Variants in INSRR observed in about 807,000 individuals in gnomAD.
The protein encoded by INSRR is insulin receptor related receptor.
Under a neutral mutation model 130.0 loss-of-function variants are expected in INSRR, and 114 were observed. That is an observed-to-expected ratio of 0.88 (90% CI 0.75 to 1.02). The LOEUF (loss-of-function observed/expected upper bound fraction) is 1.02, where lower values mean the gene tolerates loss of function less well. INSRR is among the 50% of genes least tolerant of loss of function. The pLI is 0.00. For missense variants in INSRR, 1,657 were observed against 1,735.2 expected, an observed-to-expected ratio of 0.95 and a Z score of 0.80; for synonymous variants, 674 against 705.2, an observed-to-expected ratio of 0.96 and a Z score of 0.70.
Position 156,841,750 on chromosome 1 carries a change from T to G in INSRR, c.3442A>C (p.Lys1148Gln). The part of the protein sequence containing the change: ...RDVYETDYYR[K>Q]GGKGLLPVRW... ...ACGGGCAGCAGCCCCTTCCCACCCT[T>G]GCGGTAATAGTCTGTCTCATACACG... Residue 1148 changes from lysine to glutamine, a missense_variant, in exon 20 of 22, where the codon AAG (lysine) becomes CAG (glutamine). By Grantham distance (53) the Lys-to-Gln change is moderately conservative. Coordinates refer to ENST00000368195, the MANE Select transcript of INSRR (RefSeq NM_014215.3). The G allele has an allele frequency of 6.2e-7, 1 of 1,614,044 alleles. No homozygotes were observed.
Position 156,858,567 on chromosome 1 carries a change from A to T in INSRR, c.55T>A (p.Ser19Thr), listed in dbSNP as rs1251629766. Residue 19 changes from serine to threonine, a missense_variant, in exon 1 of 22, where the codon TCC becomes ACC. Transcript: ENST00000368195. ...ACTGTATCCAGGCCAAATCCCAAGG[A>T]GAGGAAGATCACAGGCAGGCATGCT... ...WGACLPVIFL[S>T]LGFGLDTVEV... 1.2e-6 allele frequency: 2 copies of T among 1,613,904 alleles called. No individual in the cohort carries two copies. Among genetic ancestry groups the T allele is most frequent in the Admixed American group, 1.7e-5 (1 of 60,008 alleles).
intron 5 of INSRR, among the ~76,000 whole-genome samples, chr1:156,850,973 T>C (rs1461663934): frequency 3.9e-5 from 6 of 152,252 alleles, no homozygotes; most frequent in Non-Finnish European, 7.3e-5. Context: ...GACCAGATGA[T>C]GACAATTATA....
In INSRR at chr1:156,845,829, G is replaced by A; in HGVS notation, c.1979-15C>T. 1 of 1,610,796 alleles carries A rather than the reference G, an allele frequency of 6.2e-7. No homozygotes were observed. Among genetic ancestry groups the A allele is most frequent in the Non-Finnish European group, 8.5e-7 (1 of 1,179,254 alleles). ...CAGCCGCAAGCCTGGCGCCGCAGCGGGAAGACACTAGTAAGACAGGCGGTC... is the reference window on the plus strand; with the variant it reads ...CAGCCGCAAGCCTGGCGCCGCAGCGAGAAGACACTAGTAAGACAGGCGGTC... On this transcript the variant is annotated splice_polypyrimidine_tract_variant and intron_variant, in intron 9 of 21. Coordinates refer to ENST00000368195, the MANE Select transcript of INSRR (RefSeq NM_014215.3).
chr1:156,844,301 G>C, intron 14 of INSRR, 21 bp from the exon 15 acceptor site: 1 of 1,598,282 alleles, frequency 6.3e-7, no homozygotes, highest in South Asian at 1.1e-5. Flanking sequence ...GAGGGCAGCA[G>C]AGGGTAGAGT....
Position 156,845,188 on chromosome 1 carries a change from G to T in INSRR, c.2325C>A (p.Ser775Arg). 1.1e-5 allele frequency: 17 copies of T among 1,609,332 alleles called. No individual in the cohort carries two copies. The highest frequency in any genetic ancestry group is 1.4e-5 in the Non-Finnish European group (17 of 1,178,168). ...GGTATTCCGTGAAGTGGCGCAGGCCGCTCAGCACCGCTCGCTCACGGGGCA... is the reference window on the plus strand; with the variant it reads ...GGTATTCCGTGAAGTGGCGCAGGCCTCTCAGCACCGCTCGCTCACGGGGCA... ...DKVPRERAVL[S>R]GLRHFTEYRI... The change falls in exon 12 of 22, where the codon AGC becomes AGA. Residue 775 changes from serine (S) to arginine (R), a missense_variant. Transcript: ENST00000368195.
Position 156,842,420 on chromosome 1 carries a change from C to T in INSRR, c.3215G>A (p.Arg1072Gln), listed in dbSNP as rs747555254. Reference protein sequence around the residue: ...MTRGDLKSHLRSLRPEAENNP... With the variant: ...MTRGDLKSHLQSLRPEAENNP... The stretch of plus-strand genomic sequence containing the variant: ...TACCTCTGCCTCAGGCCGCAAAGAT[C>T]GAAGATGGCTCTTGAGGTCCCCACG... Residue 1072 changes from arginine to glutamine, a missense_variant, in exon 18 of 22, where the codon CGA becomes CAA. By Grantham distance (43) the Arg-to-Gln change is conservative. Coordinates refer to ENST00000368195, the MANE Select transcript of INSRR (RefSeq NM_014215.3). 35 of 1,613,942 alleles carry T rather than the reference C, an allele frequency of 2.2e-5. No individual in the cohort carries two copies. The highest frequency in any genetic ancestry group is 4.4e-5 in the South Asian group (4 of 91,072).
At position 156,854,298 on chromosome 1, in the gene INSRR, G is replaced by A; in HGVS notation, c.91C>T (p.Pro31Ser). The stretch of plus-strand genomic sequence containing the variant: ...ACCTCTGAGCGAATATCCAGGCTGG[G>A]GCACACTGTGGGCATACACGGCACG... ...GFGLDTVEVCPSLDIRSEVAE... is the reference protein window; with the variant it reads ...GFGLDTVEVCSSLDIRSEVAE... Residue 31 changes from proline to serine, a missense_variant, in exon 2 of 22, where the codon CCC (proline) becomes TCC (serine). Transcript: ENST00000368195. The surrounding 1 kb of genome is among the most constrained non-coding windows in gnomAD (Gnocchi z 4.2). 1 of 1,608,840 alleles carries A rather than the reference G, an allele frequency of 6.2e-7. No homozygotes were observed. Among genetic ancestry groups the A allele is most frequent in the Non-Finnish European group, 8.5e-7 (1 of 1,177,864 alleles).
chr1:156,842,382 T>C lies in INSRR; in HGVS notation c.3237+16A>G, dbSNP rs749884463. The C allele has an allele frequency of 6.2e-7, 1 of 1,612,708 alleles. No individual in the cohort carries two copies. The highest frequency in any genetic ancestry group is 8.5e-7 in the Non-Finnish European group (1 of 1,178,890). On this transcript the variant is annotated intron_variant, in intron 18 of 21. Coordinates refer to ENST00000368195, the MANE Select transcript of INSRR (RefSeq NM_014215.3). ...CCAACCCTTCTTTCACTCCCCAGGG[T>C]CTTCCTGGTCCCTACCTCTGCCTCA...
At position 156,842,414 on chromosome 1, in the gene INSRR, A is replaced by G. The variant is rs772201364; in HGVS notation, c.3221T>C (p.Leu1074Ser). 3 of 1,613,906 alleles carry G rather than the reference A, an allele frequency of 1.9e-6. No homozygotes were observed. Among genetic ancestry groups the G allele is most frequent in the Non-Finnish European group, 2.5e-6 (3 of 1,179,966 alleles). ...GGTCCCTACCTCTGCCTCAGGCCGC[A>G]AAGATCGAAGATGGCTCTTGAGGTC... ...RGDLKSHLRS[L>S]RPEAENNPGL... is the part of the protein sequence containing the mutation. Residue 1074 changes from leucine to serine, a missense_variant, in exon 18 of 22, where the codon TTG becomes TCG. Leu to Ser is a moderately radical substitution (Grantham distance 145). Transcript: ENST00000368195.
rs1654740231 is a variant in INSRR, at chr1:156,840,683, G to A, written c.*190C>T. ...CTTGCTCTCCCCCGAGGGACTCAGAGTCTGAGAAACTCCTATGGTGAGACC... is the reference window on the plus strand; with the variant it reads ...CTTGCTCTCCCCCGAGGGACTCAGAATCTGAGAAACTCCTATGGTGAGACC... On this transcript the variant is annotated 3_prime_UTR_variant, in exon 22 of 22. Transcript: ENST00000368195. 1.6e-6 allele frequency: 1 copy of A among 610,162 alleles called. No homozygotes were observed. Among genetic ancestry groups the A allele is most frequent in the African/African-American group, 1.9e-5 (1 of 53,916 alleles). The allele number at this position is 610,162 out of a possible 1,614,324, so 37.8% of individuals were successfully genotyped here.
rs1044309085 is a variant in INSRR at position 156,854,880 on chromosome 1, C to T, written c.86-577G>A. On this transcript the variant is annotated intron_variant, in intron 1 of 21. Coordinates refer to ENST00000368195, the MANE Select transcript of INSRR (RefSeq NM_014215.3). The surrounding 1 kb of genome is among the most constrained non-coding windows in gnomAD (Gnocchi z 4.2). ...CGTTTCTCCTCTGCTTATAACCCCC[C>T]GTGACTTCCATCTCTCTTGATCTTA... Among the ~76,000 whole-genome samples, 4 of 152,144 alleles carry T rather than the reference C, an allele frequency of 2.6e-5. No homozygotes were observed. The highest frequency in any genetic ancestry group is 1.9e-4 in the East Asian group (1 of 5,186).
rs768383322 is a variant in INSRR, at chr1:156,841,736, C to G, written c.3456G>C (p.Gly1152=). The change falls in exon 20 of 22, where the codon GGG becomes GGC. Residue 1152 remains glycine (G), a synonymous_variant. Transcript: ENST00000368195. The part of the protein sequence containing the change: ...ETDYYRKGGK[G]LLPVRWMAPE... ...GGGCCATCCAGCGCACGGGCAGCAG[C>G]CCCTTCCCACCCTTGCGGTAATAGT... The G allele has an allele frequency of 6.2e-7, 1 of 1,614,018 alleles. No individual in the cohort carries two copies. Among genetic ancestry groups the G allele is most frequent in the Non-Finnish European group, 8.5e-7 (1 of 1,180,020 alleles).
Position 156,854,318 on chromosome 1 carries a change from G to A in INSRR, c.86-15C>T, listed in dbSNP as rs1321711244. The A allele has an allele frequency of 1.7e-5, 27 of 1,595,276 alleles. No individual in the cohort carries two copies. The highest frequency in any genetic ancestry group is 4.0e-5 in the African/African-American group (3 of 74,740). On this transcript the variant is annotated splice_polypyrimidine_tract_variant and intron_variant, in intron 1 of 21. Transcript: ENST00000368195. This position sits in a 1 kb window ranked among gnomAD's most constrained non-coding sequence, Gnocchi z 4.2. ...GCTGGGGCACACTGTGGGCATACAC[G>A]GCACGCAGCATTGAGTACAGCCCAG...
rs1331100033 is a variant in INSRR, at chr1:156,844,236, G to GTGGCAGTGAGGA, written c.2781_2782insTCCTCACTGCCA (p.Thr927_Pro928insSerSerLeuPro). The stretch of plus-strand genomic sequence containing the variant: ...ACGATGAGCAGCGTGAGCCCCACAG[G>GTGGCAGTGAGGA]GGTGGCAGTGAGGAGGACATGCAGC... On this transcript the variant is annotated inframe_insertion, in exon 15 of 22. Transcript: ENST00000368195. 1.8e-5 allele frequency: 29 copies of GTGGCAGTGAGGA among 1,613,946 alleles called. No individual in the cohort carries two copies. Among genetic ancestry groups the GTGGCAGTGAGGA allele is most frequent in the Non-Finnish European group, 2.5e-5 (29 of 1,179,964 alleles).
chr1:156,844,790 T>A lies in INSRR; in HGVS notation c.2491A>T (p.Ser831Cys), dbSNP rs1349346034. ...KVAWEASSKN[S>C]VLLRWLEPPD... Reference sequence around the variant, plus strand: ...GGCTCGAGCCAGCGCAGAAGGACACTGTTCTTGCTGGAGGCCTCCCAGGCC... The same window carrying A: ...GGCTCGAGCCAGCGCAGAAGGACACAGTTCTTGCTGGAGGCCTCCCAGGCC... The change falls in exon 13 of 22, where the codon AGT (serine) becomes TGT (cysteine). Residue 831 changes from serine (S) to cysteine (C), a missense_variant. Coordinates refer to ENST00000368195, the MANE Select transcript of INSRR (RefSeq NM_014215.3). The A allele has an allele frequency of 3.7e-6, 6 of 1,614,128 alleles. No homozygotes were observed. Among genetic ancestry groups the A allele is most frequent in the Non-Finnish European group, 5.1e-6 (6 of 1,180,026 alleles).
intron 1 of INSRR, among the ~76,000 whole-genome samples, chr1:156,856,073 T>C (rs1162941346): frequency 6.6e-6 from 1 of 152,064 alleles, no homozygotes; most frequent in Non-Finnish European, 1.5e-5. Context: ...CCTCCCAAAG[T>C]GATGGGATTA....
At chr1:156,851,049 T>G (rs1655187196) in intron 5 of INSRR, 5 of 558,310 alleles carry the variant, frequency 9.0e-6, no homozygotes, top group Middle Eastern at 3.2e-4. Context: ...CAGGCATTGT[T>G]TTATGTGCTT....
chr1:156,845,893 G>T, intron 9 of INSRR, 59 bp downstream of exon 9: 2 of 1,597,742 alleles, frequency 1.3e-6, no homozygotes, highest in African/African-American at 2.7e-5. Flanking sequence ...GGGGCCCTGC[G>T]CCTCCATCTC....
Position 156,853,229 on chromosome 1 carries a change from T to G in INSRR, c.637+523A>C, listed in dbSNP as rs564537394. Among the ~76,000 whole-genome samples the G allele has an allele frequency of 3.9e-5, 6 of 152,300 alleles. No homozygotes were observed. In the South Asian group the frequency reaches 1.2e-3, roughly 32 times the overall value. On this transcript the variant is annotated intron_variant, in intron 2 of 21. Coordinates refer to ENST00000368195, the MANE Select transcript of INSRR (RefSeq NM_014215.3). Reference sequence around the variant, plus strand: ...CCATTACAGTATTGCCAGCTGACCCTGGATCACTGTGCTGTGGCCACTCTG... The same window carrying G: ...CCATTACAGTATTGCCAGCTGACCCGGGATCACTGTGCTGTGGCCACTCTG...
Sources: allele counts gnomAD v4.1 joint callset (sites outside exome capture counted in the v4.1 genomes callset), GRCh38; gene constraint gnomAD v4.1.1; non-coding constraint Gnocchi (gnomAD v3.1); transcripts MANE v1.5; gene names NCBI Gene and HGNC (gene_info 2026-07-23, HGNC 2026-07-21).